Variants in GRIK2 observed in about 807,000 individuals in gnomAD.
The protein encoded by GRIK2 is glutamate receptor ionotropic, kainate 2.
A neutral mutation model predicts 100.3 loss-of-function variants in GRIK2; 32 were observed. That is an observed-to-expected ratio of 0.32 (90% CI 0.24 to 0.43). The LOEUF is 0.43. Among genes scored for constraint, GRIK2 ranks in the 20% least tolerant of loss-of-function variants. The pLI, the probability that GRIK2 is intolerant of heterozygous loss-of-function variation, is 1.00. For missense variants in GRIK2, 843 were observed against 1,114.9 expected (o/e 0.76, Z 3.47); for synonymous variants, 417 against 389.4 (o/e 1.07, Z -0.83).
At chr6:101,500,729 C>T (rs1161283042) in intron 2 of GRIK2, among the ~76,000 whole-genome samples, 1 of 152,002 alleles carries the variant, frequency 6.6e-6, no homozygotes, top group Non-Finnish European at 1.5e-5. Context: ...TATTATCCTT[C>T]AAAGACTTGT....
At chr6:101,641,532 GC>G (rs1288086533) in intron 4 of GRIK2, among the ~76,000 whole-genome samples, 2 of 151,766 alleles carry the variant, frequency 1.3e-5, no homozygotes, top group Non-Finnish European at 2.9e-5. Flanking sequence ...CAAATGATGA[GC>G]TTTTTTTTCT....
intron 7 of GRIK2, among the ~76,000 whole-genome samples, chr6:101,736,873 A>T (rs992339186): frequency 6.6e-6 from 1 of 152,056 alleles, no homozygotes; most frequent in African/African-American, 2.4e-5. Context: ...AATTTTTCAG[A>T]CTTTTATGCT....
chr6:101,886,820 C>A (rs1003094410), intron 11 of GRIK2, among the ~76,000 whole-genome samples: 1 of 73,310 alleles, frequency 1.4e-5, no homozygotes, highest in South Asian at 6.9e-4. Context: ...TTCTTTCTAC[C>A]TTTTTTTTTT....
intron 7 of GRIK2, among the ~76,000 whole-genome samples, chr6:101,767,823 T>C (rs61363307): frequency 0.018 from 2,811 of 152,190 alleles, 95 homozygotes; most frequent in African/African-American, 0.065. Flanking sequence ...TCCATCCTTA[T>C]GTCATAAATA....
At chr6:101,588,841 AT>A (rs1323539502) in intron 2 of GRIK2, among the ~76,000 whole-genome samples, 1 of 152,122 alleles carries the variant, frequency 6.6e-6, no homozygotes, top group Non-Finnish European at 1.5e-5. Context: ...ATATGTATAT[AT>A]TTAAAAAAAG....
intron 11 of GRIK2, among the ~76,000 whole-genome samples, chr6:101,886,977 C>T (rs978639524): frequency 1.3e-5 from 2 of 149,792 alleles, no homozygotes; most frequent in African/African-American, 4.9e-5. Flanking sequence ...AGGCGTGTGC[C>T]ACCACACCTG....
intron 4 of GRIK2, among the ~76,000 whole-genome samples, chr6:101,657,264 C>G (rs1450516319): frequency 6.6e-6 from 1 of 152,130 alleles, no homozygotes; most frequent in Non-Finnish European, 1.5e-5. Context: ...AGTGAGTTCT[C>G]ACAAGATCTG....
In GRIK2 at chr6:101,399,111, C is replaced by A. The variant is rs759050034; in HGVS notation, c.-167C>A. On this transcript the variant is annotated 5_prime_UTR_variant, in exon 2 of 17. Coordinates refer to ENST00000369134, the MANE Select transcript of GRIK2 (RefSeq NM_021956.5). Reference sequence around the variant, plus strand: ...CTTGGCGCAGTGAGTGAAGAACATGCAGCGATTGCTAATGGGTTTGGGAAG... The same window carrying A: ...CTTGGCGCAGTGAGTGAAGAACATGAAGCGATTGCTAATGGGTTTGGGAAG... 1.2e-5 allele frequency: 7 copies of A among 565,364 alleles called. No homozygotes were observed. Among genetic ancestry groups the A allele is most frequent in the Admixed American group, 6.3e-5 (2 of 31,900 alleles). 35.0% of individuals were successfully genotyped at this position (565,364 alleles called of 1,614,324 possible).
rs183629353 is a variant in GRIK2 at position 101,794,040 on chromosome 6, C to A, written c.952-5608C>A. Among the ~76,000 whole-genome samples the A allele has an allele frequency of 1.7e-3, 257 of 152,252 alleles. 1 individual carries two copies. The highest frequency in any genetic ancestry group is 6.0e-3 in the African/African-American group (249 of 41,562). ...AGGTGCAGGATATAATCTCCTGGTG[C>A]GCCATTTCCTAAGCCCGTCAGAAAA... On this transcript the variant is annotated intron_variant, in intron 7 of 16. Transcript: ENST00000369134.
chr6:101,799,812 C>T (rs1011433512), intron 8 of GRIK2, 21 bp downstream of exon 8: 2 of 1,593,776 alleles, frequency 1.3e-6, no homozygotes, highest in South Asian at 1.1e-5. Context: ...AGAAGAACAT[C>T]TGCCTTGTCT....
intron 2 of GRIK2, among the ~76,000 whole-genome samples, chr6:101,553,808 T>G (rs199848831): frequency 6.6e-6 from 1 of 152,202 alleles, no homozygotes; most frequent in East Asian, 1.9e-4. Context: ...ATTTAAAAGT[T>G]AAAGTAATAA....
At chr6:101,693,840 CATATGT>C (rs1425928455) in intron 7 of GRIK2, among the ~76,000 whole-genome samples, 2 of 151,594 alleles carry the variant, frequency 1.3e-5, no homozygotes, top group Non-Finnish European at 2.9e-5. Context: ...ATGATTATAT[CATATGT>C]ATATGTATAT....
chr6:101,938,241 G>T (rs1790732068), intron 14 of GRIK2, among the ~76,000 whole-genome samples: 1 of 151,794 alleles, frequency 6.6e-6, no homozygotes, highest in South Asian at 2.1e-4. Context: ...TTCCCCTTGG[G>T]AGCAAGCAAG....
chr6:101,695,785 T>C (rs1300386091), intron 7 of GRIK2, among the ~76,000 whole-genome samples: 1 of 152,104 alleles, frequency 6.6e-6, no homozygotes, highest in Non-Finnish European at 1.5e-5. Context: ...ACCTTAAACA[T>C]GTTCAGAATA....
intron 15 of GRIK2, among the ~76,000 whole-genome samples, chr6:102,054,274 T>C (rs910549707): frequency 6.6e-5 from 10 of 152,190 alleles, no homozygotes; most frequent in African/African-American, 2.4e-4. Context: ...AAAAGAGATG[T>C]ATAGATGTGG....
chr6:101,875,024 A>G (rs965227554), intron 11 of GRIK2, among the ~76,000 whole-genome samples: 2 of 152,170 alleles, frequency 1.3e-5, no homozygotes, highest in Non-Finnish European at 2.9e-5. Context: ...TTCTAGATAT[A>G]CAATCATGTC....
intron 10 of GRIK2, among the ~76,000 whole-genome samples, chr6:101,827,071 G>A (rs2764223): frequency 0.3 from 44,678 of 146,588 alleles, 9,275 homozygotes; most frequent in East Asian, 0.64. Context: ...ATAGTTACAG[G>A]ATAAAAACAG....
chr6:101,891,396 AG>A (rs113532822), intron 12 of GRIK2, among the ~76,000 whole-genome samples: 1,824 of 151,738 alleles, frequency 0.012, 38 homozygotes, highest in African/African-American at 0.042. Context: ...GTGCACCTGT[AG>A]TCCCAGATAC....
intron 2 of GRIK2, among the ~76,000 whole-genome samples, chr6:101,537,442 T>TTGTGTGTGTGCGTGTGTG (rs757947703): frequency 7.5e-6 from 1 of 134,072 alleles, no homozygotes; most frequent in Non-Finnish European, 1.7e-5. Context: ...GTGTGTGTGT[T>TTGTGTGTGTGCGTGTGTG]TGTGTGTGTG....
Sources: allele counts gnomAD v4.1 joint callset (sites outside exome capture counted in the v4.1 genomes callset), GRCh38; gene constraint gnomAD v4.1.1; transcripts MANE v1.5; gene names NCBI Gene and HGNC (gene_info 2026-07-23, HGNC 2026-07-21).